PHF3: variants seen among roughly 807,000 people sequenced by gnomAD.
PHF3 encodes PHD finger protein 3.
In PHF3, 41 loss-of-function variants were observed where a neutral mutation model predicts 178.4. The ratio of observed to expected loss-of-function variants is 0.23; its 90% CI spans 0.18 to 0.30. The LOEUF (loss-of-function observed/expected upper bound fraction) is 0.30. Ranked by LOEUF, PHF3 falls within the 10% of genes least tolerant of loss-of-function variation. PHF3 has a pLI of 1.00. For synonymous variants in PHF3, 842 were observed against 800.5 expected (o/e 1.05, Z -0.88); for missense variants, 2,346 against 2,398.1 (o/e 0.98, Z 0.45).
intron 2 of PHF3, among the ~76,000 whole-genome samples, chr6:63,657,909 TTAGA>T (rs1192396435): frequency 6.6e-6 from 1 of 152,198 alleles, no homozygotes; most frequent in Non-Finnish European, 1.5e-5. Context: ...TAAGTAGGCT[TTAGA>T]TAGATAGCCT....
At chr6:63,636,762 G>A (rs1764358503) in intron 1 of PHF3, 1 of 152,244 alleles carries the variant, frequency 6.6e-6, no homozygotes, top group African/African-American at 2.4e-5. Context: ...AGTTTGAAAT[G>A]AGAAGCCTAG....
intron 11 of PHF3, among the ~76,000 whole-genome samples, chr6:63,704,325 C>T (rs1055330811): frequency 1.3e-5 from 2 of 152,000 alleles, no homozygotes; most frequent in African/African-American, 2.4e-5. Flanking sequence ...TGTGTAAAGA[C>T]GTGAATCTAG....
At chr6:63,689,537 TAGA>T (rs1223836972) in intron 4 of PHF3, among the ~76,000 whole-genome samples, 1 of 152,198 alleles carries the variant, frequency 6.6e-6, no homozygotes, top group Admixed American at 6.5e-5. Flanking sequence ...TCTCTGATCT[TAGA>T]AGAGTGAGTC....
At chr6:63,676,864 AGAT>A (rs2149574469) in intron 2 of PHF3, among the ~76,000 whole-genome samples, 2 of 152,320 alleles carry the variant, frequency 1.3e-5, no homozygotes, top group East Asian at 3.9e-4. Flanking sequence ...TTACAGTCTT[AGAT>A]GAGAGATGTG....
In PHF3 at chr6:63,709,614, C is replaced by T. The variant is rs374827403; in HGVS notation, c.3801+374C>T. Among the ~76,000 whole-genome samples, 13 of 152,192 alleles carry T rather than the reference C, an allele frequency of 8.5e-5. No homozygotes were observed. In the East Asian group the frequency reaches 2.3e-3, roughly 27 times the overall value. ...CTAAAATATAGTGACTCAAAAAATA[C>T]AGAAGTTGATTGGAGTGTTGTCCTC... is the stretch of plus-strand genomic sequence containing the variant. On this transcript the variant is annotated intron_variant, in intron 14 of 15. Coordinates refer to ENST00000262043, the MANE Select transcript of PHF3 (RefSeq NM_001370348.2).
At position 63,698,525 on chromosome 6, in the gene PHF3, T is replaced by G. The variant is rs1767334099; in HGVS notation, c.2902T>G (p.Ser968Ala). Residue 968 changes from serine (S) to alanine (A), a missense_variant, in exon 8 of 16, where the codon TCT (serine) becomes GCT (alanine). By Grantham distance (99) the Ser-to-Ala change is moderately conservative (BLOSUM62 1). Transcript: ENST00000262043. ...CACAAAAATTGAGAAAGAGCTTTTC[T>G]CTTTTTTTCGGGACACAGATGCTAA... ...VATKIEKELF[S>A]FFRDTDAKYK... 1.2e-6 allele frequency: 2 copies of G among 1,604,254 alleles called. No individual in the cohort carries two copies. The highest frequency in any genetic ancestry group is 8.5e-7 in the Non-Finnish European group (1 of 1,176,798).
In PHF3 at chr6:63,702,653, T is replaced by C. The variant is rs772141804; in HGVS notation, c.3231+14T>C. The C allele has an allele frequency of 1.7e-5, 27 of 1,598,222 alleles. No individual in the cohort carries two copies. Among genetic ancestry groups the C allele is most frequent in the Middle Eastern group, 1.7e-4 (1 of 5,974 alleles). On this transcript the variant is annotated intron_variant, in intron 10 of 15. Transcript: ENST00000262043. ...ATGGAGATTCAGGTAAGGATAGATA[T>C]GCCATGTTTTATAGCTCAAAACATG...
intron 1 of PHF3, among the ~76,000 whole-genome samples, chr6:63,637,147 A>G (rs1024213128): frequency 2.0e-5 from 3 of 152,236 alleles, no homozygotes; most frequent in African/African-American, 7.2e-5. Flanking sequence ...TAAAAAGAAT[A>G]ATCGATTATT....
At chr6:63,688,077 G>C (rs1228388801) in intron 4 of PHF3, among the ~76,000 whole-genome samples, 1 of 151,118 alleles carries the variant, frequency 6.6e-6, no homozygotes, top group Non-Finnish European at 1.5e-5. Context: ...CCAGCTACTT[G>C]GGAGGCTGAG....
At chr6:63,642,721 T>G (rs779206410) in intron 1 of PHF3, among the ~76,000 whole-genome samples, 21 of 152,308 alleles carry the variant, frequency 1.4e-4, no homozygotes, top group Non-Finnish European at 2.9e-4. Context: ...TTCCTATGTT[T>G]TATTAAATTT....
chr6:63,706,593 A>T (rs1767703821), intron 12 of PHF3, 136 bp from the exon 13 acceptor site: 2 of 688,120 alleles, frequency 2.9e-6, no homozygotes, highest in Middle Eastern at 4.1e-4. Context: ...ATTTTATAAA[A>T]TGAAAGTGTG....
At chr6:63,673,400 A>T (rs888151481) in intron 2 of PHF3, among the ~76,000 whole-genome samples, 1 of 152,128 alleles carries the variant, frequency 6.6e-6, no homozygotes, top group Non-Finnish European at 1.5e-5. Flanking sequence ...ACCCCAACTC[A>T]GGATAACCAT....
intron 1 of PHF3, among the ~76,000 whole-genome samples, chr6:63,645,254 C>T (rs7767473): frequency 0.51 from 76,798 of 151,866 alleles, 20,361 homozygotes; most frequent in African/African-American, 0.67. Flanking sequence ...GTAACACTTA[C>T]TAATGGGTAT....
rs1046259505 is a variant in PHF3, at chr6:63,716,053, A to G, written c.*2345A>G. Among the ~76,000 whole-genome samples the G allele has an allele frequency of 2.0e-5, 3 of 152,184 alleles. No homozygotes were observed. Among genetic ancestry groups the G allele is most frequent in the Non-Finnish European group, 4.4e-5 (3 of 68,034 alleles). ...AGTACCAGGGCATCTCAGTACCTGT[A>G]AAGTTCACCCCATGTAATCTTTGTG... On this transcript the variant is annotated 3_prime_UTR_variant, in exon 16 of 16. Transcript: ENST00000262043.
At chr6:63,703,741 T>G (rs986877702) in intron 11 of PHF3, 70 bp downstream of exon 11, 1 of 1,441,760 alleles carries the variant, frequency 6.9e-7, no homozygotes, top group Non-Finnish European at 9.5e-7. Context: ...TACTAGTATA[T>G]GTAATTTAAG....
rs772469594 is a variant in PHF3, at chr6:63,712,214, A to G, written c.4626A>G (p.Thr1542=). The G allele has an allele frequency of 6.8e-6, 11 of 1,613,974 alleles. No homozygotes were observed. In the African/African-American group the frequency reaches 8.0e-5, roughly 12 times the overall value. The stretch of plus-strand genomic sequence containing the variant: ...CAGATAAGTCAGCAGAAATAGAAAC[A>G]TCAGTAGTAGGGTCCTCTTCCATTT... ...ESTDKSAEIE[T]SVVGSSSISA... is the part of the protein sequence containing the mutation. Residue 1542 remains threonine (T), a synonymous_variant, in exon 16 of 16, where the codon ACA becomes ACG. Transcript: ENST00000262043.
intron 2 of PHF3, among the ~76,000 whole-genome samples, chr6:63,669,913 G>A (rs1477936035): frequency 6.6e-6 from 1 of 152,110 alleles, no homozygotes; most frequent in Non-Finnish European, 1.5e-5. Context: ...ATGTTTATCA[G>A]AATTGTGTTT....
At chr6:63,667,313 T>C (rs937991498) in intron 2 of PHF3, among the ~76,000 whole-genome samples, 5 of 152,224 alleles carry the variant, frequency 3.3e-5, no homozygotes, top group Non-Finnish European at 7.3e-5. Context: ...ATACTTGTTA[T>C]TTTAAGCTTT....
rs746598648 is a variant in PHF3 at position 63,679,097 on chromosome 6, TG to T, written c.245-902del. On this transcript the variant is annotated intron_variant, in intron 2 of 15. Transcript: ENST00000262043. Reference sequence around the variant, plus strand: ...GAGAGGTTAAGTGACTTGATAAAGGTGTTTTTTTTTTTTTTTAAACGTTCTA... The same window carrying T: ...GAGAGGTTAAGTGACTTGATAAAGGTTTTTTTTTTTTTTTTAAACGTTCTA... 471 of 152,094 alleles carry T rather than the reference TG, an allele frequency of 3.1e-3. 1 individual carries two copies. The highest frequency in any genetic ancestry group is 3.7e-3 in the Non-Finnish European group (255 of 68,864). The allele number at this position is 152,094 out of a possible 1,614,324, so 9.4% of individuals were successfully genotyped here.
Sources: gnomAD v4.1 joint callset for allele counts (sites outside exome capture counted in the v4.1 genomes callset) on GRCh38, gnomAD v4.1.1 for gene constraint, MANE v1.5 for transcripts, NCBI Gene and HGNC (gene_info 2026-07-23, HGNC 2026-07-21) for gene names.